Variants in TENM3 observed in about 807,000 individuals in gnomAD.
TENM3 encodes the protein teneurin-3.
TENM3 carries 63 observed loss-of-function variants against 255.1 expected under a neutral mutation model. The ratio of observed to expected loss-of-function variants is 0.25; its 90% CI spans 0.20 to 0.30. TENM3 has a LOEUF of 0.30. TENM3 is among the 10% of genes least tolerant of loss of function. The probability of loss-of-function intolerance (pLI) is 1.00; values close to 1 mark genes in which losing one functional copy is unlikely to be tolerated. For synonymous variants in TENM3, 1,306 were observed against 1,322.3 expected (o/e 0.99, Z 0.27); for missense variants, 2,929 against 3,461.1 (o/e 0.85, Z 3.86).
intron 3 of TENM3, among the ~76,000 whole-genome samples, chr4:182,487,622 G>A (rs1032310329): frequency 6.6e-6 from 1 of 152,134 alleles, no homozygotes; most frequent in East Asian, 1.9e-4. Flanking sequence ...ACTCTGGCCA[G>A]TGCAGTTTAA....
the TENM3 span, among the ~76,000 whole-genome samples, chr4:181,636,149 G>A: frequency 2.6e-5 from 4 of 151,998 alleles, no homozygotes; most frequent in Admixed American, 6.6e-5. Context: ...AGATTCAGGC[G>A]ATTCTCCTAT....
chr4:182,023,600 T>C, the TENM3 span, among the ~76,000 whole-genome samples: 2 of 152,230 alleles, frequency 1.3e-5, no homozygotes, highest in South Asian at 4.1e-4. Flanking sequence ...TGTACGCCAC[T>C]GATCACTGGC....
At chr4:181,774,196 G>A in the TENM3 span, among the ~76,000 whole-genome samples, 1 of 75,720 alleles carries the variant, frequency 1.3e-5, no homozygotes, top group Non-Finnish European at 2.5e-5. Flanking sequence ...TCCCCAGAGT[G>A]TGATATTCCC....
chr4:182,597,985 G>A (rs1277432687), intron 3 of TENM3, among the ~76,000 whole-genome samples: 2 of 152,074 alleles, frequency 1.3e-5, no homozygotes, highest in Admixed American at 6.6e-5. Context: ...TTCGAGACCA[G>A]TCTGGGCAAC....
the TENM3 span, among the ~76,000 whole-genome samples, chr4:182,133,262 T>C: frequency 2.6e-5 from 4 of 152,204 alleles, no homozygotes; most frequent in Admixed American, 2.6e-4. Context: ...AGGATAGTGA[T>C]AATGCTTTAT....
chr4:182,467,212 G>A (rs1320087188), intron 3 of TENM3, among the ~76,000 whole-genome samples: 1 of 152,112 alleles, frequency 6.6e-6, no homozygotes, highest in Non-Finnish European at 1.5e-5. Flanking sequence ...CTAGTCATTA[G>A]TTATAATAAA....
the TENM3 span, among the ~76,000 whole-genome samples, chr4:181,678,711 CTA>C: frequency 1.7e-4 from 25 of 151,208 alleles, no homozygotes; most frequent in Non-Finnish European, 4.4e-5. Flanking sequence ...TTAGGTTGTT[CTA>C]TATATATATA....
chr4:182,677,837 A>G (rs1184571217), intron 7 of TENM3, among the ~76,000 whole-genome samples: 1 of 152,160 alleles, frequency 6.6e-6, no homozygotes, highest in African/African-American at 2.4e-5. Flanking sequence ...CTCCAATATT[A>G]ACAGTAGAGG....
the TENM3 span, among the ~76,000 whole-genome samples, chr4:181,564,777 A>T: frequency 6.6e-6 from 1 of 152,182 alleles, no homozygotes; most frequent in African/African-American, 2.4e-5. Context: ...TTGTATCCTT[A>T]ACGAAGTCAT....
intron 6 of TENM3, among the ~76,000 whole-genome samples, chr4:182,664,262 CATT>C (rs1754462816): frequency 6.6e-6 from 1 of 152,138 alleles, no homozygotes; most frequent in Admixed American, 6.5e-5. Flanking sequence ...CAAACTTTTT[CATT>C]ATTATTAGAT....
intron 4 of TENM3, among the ~76,000 whole-genome samples, chr4:182,608,219 A>G (rs556771246): frequency 6.6e-6 from 1 of 152,188 alleles, no homozygotes; most frequent in Non-Finnish European, 1.5e-5. Flanking sequence ...CCTGGAATCA[A>G]GGTGTATTCA....
At chr4:182,003,860 CAATA>C in the TENM3 span, among the ~76,000 whole-genome samples, 1 of 151,490 alleles carries the variant, frequency 6.6e-6, no homozygotes, top group Admixed American at 6.6e-5. Flanking sequence ...TTTCATGTTC[CAATA>C]AATATTGTCA....
the TENM3 span, among the ~76,000 whole-genome samples, chr4:181,964,568 C>G: frequency 6.6e-6 from 1 of 151,312 alleles, no homozygotes; most frequent in Admixed American, 6.6e-5. Flanking sequence ...CCCCCCAACA[C>G]TCTAAGTTCC....
chr4:181,492,643 C>T, the TENM3 span, among the ~76,000 whole-genome samples: 7 of 152,210 alleles, frequency 4.6e-5, no homozygotes, highest in African/African-American at 1.2e-4. Flanking sequence ...CACAATTAGA[C>T]GTAGATTCTA....
chr4:182,751,582 G>T (rs540408329), intron 19 of TENM3, among the ~76,000 whole-genome samples: 1 of 152,142 alleles, frequency 6.6e-6, no homozygotes, highest in Non-Finnish European at 1.5e-5. Flanking sequence ...AATCCTCAGC[G>T]TCAGGCAAGG....
intron 3 of TENM3, among the ~76,000 whole-genome samples, chr4:182,546,231 G>A (rs769915684): frequency 7.2e-5 from 11 of 152,248 alleles, no homozygotes; most frequent in Admixed American, 3.3e-4. Flanking sequence ...ATGTAAGTGC[G>A]CCTGCACAGT....
chr4:182,046,521 T>C, the TENM3 span, among the ~76,000 whole-genome samples: 2 of 150,288 alleles, frequency 1.3e-5, no homozygotes, highest in Non-Finnish European at 2.9e-5. Flanking sequence ...CTGGGCAATA[T>C]AGCAAGACCC....
intron 12 of TENM3, among the ~76,000 whole-genome samples, chr4:182,689,940 A>G (rs1156808737): frequency 6.6e-6 from 1 of 152,244 alleles, no homozygotes; most frequent in African/African-American, 2.4e-5. Context: ...AGTGTGGCCC[A>G]GAGAAGCCTA....
At chr4:181,942,042 C>T in the TENM3 span, among the ~76,000 whole-genome samples, 5 of 152,150 alleles carry the variant, frequency 3.3e-5, no homozygotes, top group Non-Finnish European at 2.9e-5. Flanking sequence ...GCAGCCCTTC[C>T]GGTGACCTGC....
Sources: gnomAD v4.1 joint callset for allele counts (sites outside exome capture counted in the v4.1 genomes callset) on GRCh38, gnomAD v4.1.1 for gene constraint, MANE v1.5 for transcripts, NCBI Gene and HGNC (gene_info 2026-07-23, HGNC 2026-07-21) for gene names.